HSF2: variants seen among roughly 807,000 people sequenced by gnomAD.
The protein encoded by HSF2 is heat shock factor protein 2.
Under a neutral mutation model 65.0 loss-of-function variants are expected in HSF2, and 21 were observed. That is an observed-to-expected ratio of 0.32 (90% CI 0.23 to 0.47). The LOEUF (loss-of-function observed/expected upper bound fraction) is 0.47. Among genes scored for constraint, HSF2 ranks in the 20% least tolerant of loss-of-function variants. The pLI is 1.00. For missense variants in HSF2, 499 were observed against 628.1 expected, an observed-to-expected ratio of 0.79 and a Z score of 2.20; for synonymous variants, 225 against 219.1, an observed-to-expected ratio of 1.03 and a Z score of -0.24.
chr6:122,413,727 T>A, intron 4 of HSF2, 78 bp downstream of exon 4: 1 of 1,218,858 alleles, frequency 8.2e-7, no homozygotes. Context: ...GGAGGTTGTC[T>A]GATGTTTTAT....
rs758897747 is a variant in HSF2 at position 122,416,306 on chromosome 6, TC to T, written c.531+11del. 1 of 1,597,410 alleles carries T rather than the reference TC, an allele frequency of 6.3e-7. No individual in the cohort carries two copies. The highest frequency in any genetic ancestry group is 8.6e-7 in the Non-Finnish European group (1 of 1,165,394). On this transcript the variant is annotated intron_variant, in intron 5 of 12. Coordinates refer to ENST00000368455, the MANE Select transcript of HSF2 (RefSeq NM_004506.4). Reference sequence around the variant, plus strand: ...ACAAGTTATTCGAAAGGTAAGAAGCTCTTTTCCCCAGGACCATAATTTGCAT... The same window carrying T: ...ACAAGTTATTCGAAAGGTAAGAAGCTTTTTCCCCAGGACCATAATTTGCAT...
chr6:122,416,267 C>A lies in HSF2; in HGVS notation c.502C>A (p.His168Asn). Reference sequence around the variant, plus strand: ...GGAGGTGTCAGAATTACGAGCAAAGCATGCACAACAGCAACAAGTTATTCG... The same window carrying A: ...GGAGGTGTCAGAATTACGAGCAAAGAATGCACAACAGCAACAAGTTATTCG... ...WKEVSELRAKHAQQQQVIRKI... is the reference protein window; with the variant it reads ...WKEVSELRAKNAQQQQVIRKI... The change falls in exon 5 of 13, where the codon CAT (histidine) becomes AAT (asparagine). Residue 168 changes from histidine (H) to asparagine (N), a missense_variant. By Grantham distance (68) the His-to-Asn change is moderately conservative. Transcript: ENST00000368455. 1 of 1,611,348 alleles carries A rather than the reference C, an allele frequency of 6.2e-7. No individual in the cohort carries two copies. The highest frequency in any genetic ancestry group is 8.5e-7 in the Non-Finnish European group (1 of 1,177,710).
At chr6:122,428,658 G>T (rs1417534048) in intron 11 of HSF2, among the ~76,000 whole-genome samples, 1 of 151,858 alleles carries the variant, frequency 6.6e-6, no homozygotes, top group Non-Finnish European at 1.5e-5. Flanking sequence ...CTTGTTAAAG[G>T]TAAATCAAGT....
At chr6:122,410,498 C>A (rs117673633) in intron 1 of HSF2, among the ~76,000 whole-genome samples, 1 of 151,754 alleles carries the variant, frequency 6.6e-6, no homozygotes, top group African/African-American at 2.4e-5. Flanking sequence ...GCAACCATTA[C>A]CACCATCCAT....
At chr6:122,402,921 G>C (rs1405332676) in intron 1 of HSF2, among the ~76,000 whole-genome samples, 3 of 151,910 alleles carry the variant, frequency 2.0e-5, no homozygotes. Context: ...TTGTATTTCT[G>C]TTGAGGTAAT....
chr6:122,411,877 A>G (rs188315396), intron 1 of HSF2, among the ~76,000 whole-genome samples: 1 of 152,048 alleles, frequency 6.6e-6, no homozygotes, highest in African/African-American at 2.4e-5. Context: ...GTGACTTTTA[A>G]TATTAATTTA....
intron 7 of HSF2, 78 bp downstream of exon 7, chr6:122,420,300 A>G (rs540564583): frequency 5.4e-6 from 6 of 1,101,882 alleles, no homozygotes; most frequent in East Asian, 2.7e-5. Flanking sequence ...CATGCATTCA[A>G]AGAAGTGTGG....
At chr6:122,429,859 G>A (rs888264536) in intron 11 of HSF2, among the ~76,000 whole-genome samples, 19 of 152,182 alleles carry the variant, frequency 1.2e-4, no homozygotes, top group Admixed American at 7.9e-4. Context: ...GGATGAAGCC[G>A]ACTTGATGGT....
intron 1 of HSF2, among the ~76,000 whole-genome samples, chr6:122,403,965 G>A (rs958495821): frequency 6.6e-6 from 1 of 152,186 alleles, no homozygotes; most frequent in Non-Finnish European, 1.5e-5. Context: ...TACAACCAAC[G>A]TATGCTGAAG....
At chr6:122,414,693 C>A (rs751014089) in intron 4 of HSF2, among the ~76,000 whole-genome samples, 33 of 152,162 alleles carry the variant, frequency 2.2e-4, no homozygotes, top group Non-Finnish European at 4.3e-4. Context: ...GTGACTTGAT[C>A]TTACCTCACT....
At chr6:122,428,027 A>G in intron 11 of HSF2, 71 bp downstream of exon 11, 1 of 907,414 alleles carries the variant, frequency 1.1e-6, no homozygotes, top group Admixed American at 2.4e-5. Flanking sequence ...ATAAGTAGAG[A>G]GCAATGTCAC....
rs959922634 is a variant in HSF2 at position 122,433,062 on chromosome 6, C to T, written c.*842C>T. 1.3e-5 allele frequency: 2 copies of T among 152,092 alleles called. No homozygotes were observed. Among genetic ancestry groups the T allele is most frequent in the Admixed American group, 1.3e-4 (2 of 15,266 alleles). The allele number at this position is 152,092 out of a possible 1,614,324, so 9.4% of individuals were successfully genotyped here. On this transcript the variant is annotated 3_prime_UTR_variant, in exon 13 of 13. Coordinates refer to ENST00000368455, the MANE Select transcript of HSF2 (RefSeq NM_004506.4). ...TTTAAACTGTCTGTGGTTCATTATTCTCAATATGAATCATACCAAGATATT... is the reference window on the plus strand; with the variant it reads ...TTTAAACTGTCTGTGGTTCATTATTTTCAATATGAATCATACCAAGATATT...
chr6:122,403,593 C>T (rs1264521387), intron 1 of HSF2, among the ~76,000 whole-genome samples: 2 of 152,036 alleles, frequency 1.3e-5, no homozygotes, highest in Non-Finnish European at 1.5e-5. Flanking sequence ...AACAACAGAA[C>T]GAAATCCTGT....
At chr6:122,411,896 G>C in intron 1 of HSF2, among the ~76,000 whole-genome samples, 1 of 151,858 alleles carries the variant, frequency 6.6e-6, no homozygotes, top group East Asian at 1.9e-4. Context: ...TAGTAACCAC[G>C]TATCTTACTG....
chr6:122,412,224 T>C (rs1774013621), intron 1 of HSF2, 149 bp from the exon 2 acceptor site: 3 of 548,526 alleles, frequency 5.5e-6, no homozygotes, highest in Non-Finnish European at 9.8e-6. Context: ...ATTTTGTTTC[T>C]TGTTCCTGTT....
At position 122,423,558 on chromosome 6, in the gene HSF2, TA is replaced by T. The variant is rs757613766; in HGVS notation, c.1071-16del. Reference sequence around the variant, plus strand: ...AAAACAAGGATATCTAATATTTGATTAAAAAAATTTTTTTTTCCTTAGGGTT... The same window carrying T: ...AAAACAAGGATATCTAATATTTGATTAAAAAATTTTTTTTTCCTTAGGGTT... On this transcript the variant is annotated intron_variant, in intron 9 of 12. Coordinates refer to ENST00000368455, the MANE Select transcript of HSF2 (RefSeq NM_004506.4). 3.5e-5 allele frequency: 49 copies of T among 1,388,118 alleles called. No individual in the cohort carries two copies. The Admixed American group carries it at 6.9e-4, about 20-fold the overall frequency. 86.0% of individuals were successfully genotyped at this position (1,388,118 alleles called of 1,614,324 possible).
chr6:122,416,216 CAT>C lies in HSF2; in HGVS notation c.456-3_456-2del, dbSNP rs1774123532. 2 of 1,567,374 alleles carry C rather than the reference CAT, an allele frequency of 1.3e-6. No homozygotes were observed. Among genetic ancestry groups the C allele is most frequent in the East Asian group, 2.2e-5 (1 of 44,614 alleles). On this transcript the variant is annotated splice_region_variant and splice_polypyrimidine_tract_variant and intron_variant, in intron 4 of 12. Coordinates refer to ENST00000368455, the MANE Select transcript of HSF2 (RefSeq NM_004506.4). ...TGTTTTGTTGCTTAATAAATTATAA[CAT>C]AGTGAGAATGAGTCCCTTTGGAAGG...
In HSF2 at chr6:122,422,866, G is replaced by A; in HGVS notation, c.979G>A (p.Val327Ile). Residue 327 changes from valine to isoleucine, a missense_variant, in exon 9 of 13, where the codon GTC becomes ATC. Val to Ile is a conservative substitution (Grantham distance 29, BLOSUM62 3). Around this residue, in one of 2 missense-constraint regions of HSF2, gnomAD observed 349 missense variants for 393.5 expected, o/e 0.89. Transcript: ENST00000368455. The stretch of plus-strand genomic sequence containing the variant: ...CAGCAGCCCTCTCATGTCTAGTGCT[G>A]TCCAGCTAAATGGCTCATCCAGTCT... ...DGSSPLMSSA[V>I]QLNGSSSLTS... The A allele has an allele frequency of 6.2e-7, 1 of 1,613,680 alleles. No homozygotes were observed. Among genetic ancestry groups the A allele is most frequent in the Non-Finnish European group, 8.5e-7 (1 of 1,179,766 alleles).
rs774876294 is a variant in HSF2, at chr6:122,416,217, A to C, written c.456-4A>C. The stretch of plus-strand genomic sequence containing the variant: ...GTTTTGTTGCTTAATAAATTATAAC[A>C]TAGTGAGAATGAGTCCCTTTGGAAG... On this transcript the variant is annotated splice_polypyrimidine_tract_variant and splice_region_variant and intron_variant, in intron 4 of 12. Transcript: ENST00000368455. 7.6e-6 allele frequency: 12 copies of C among 1,580,260 alleles called. No homozygotes were observed. Among genetic ancestry groups the C allele is most frequent in the Non-Finnish European group, 1.0e-5 (12 of 1,150,044 alleles).
Sources: allele counts gnomAD v4.1 joint callset (sites outside exome capture counted in the v4.1 genomes callset), GRCh38; gene constraint gnomAD v4.1.1; regional missense constraint gnomAD v4.1.1; transcripts MANE v1.5; gene names NCBI Gene and HGNC (gene_info 2026-07-23, HGNC 2026-07-21).